The following LGSN variants were observed in gnomAD, a reference collection of about 807,000 sequenced individuals.
LGSN encodes the protein lengsin.
In LGSN, 21 loss-of-function variants were observed where a neutral mutation model predicts 19.5. The observed-to-expected ratio is 1.07, with a 90% CI of 0.76 to 1.55. The LOEUF (loss-of-function observed/expected upper bound fraction) is 1.55. LGSN is among the 40% of genes most tolerant of loss of function. The probability of loss-of-function intolerance (pLI) is 0.00; values close to 1 mark genes in which losing one functional copy is unlikely to be tolerated. For missense variants in LGSN, 673 were observed against 608.5 expected (o/e 1.11, Z -1.12); for synonymous variants, 257 against 215.6 (o/e 1.19, Z -1.68).
the LGSN span, among the ~76,000 whole-genome samples, chr6:63,432,584 C>T: frequency 2.6e-5 from 4 of 151,250 alleles, no homozygotes; most frequent in Non-Finnish European, 5.9e-5. Context: ...CCCAGCTACT[C>T]GGGAGGCTGA....
the LGSN span, among the ~76,000 whole-genome samples, chr6:63,573,012 C>T: frequency 1.3e-5 from 2 of 152,034 alleles, no homozygotes; most frequent in African/African-American, 2.4e-5. Flanking sequence ...CGCGGTCCGG[C>T]TTCTGCGGCG....
the LGSN span, among the ~76,000 whole-genome samples, chr6:63,349,307 G>C: frequency 6.6e-6 from 1 of 152,228 alleles, no homozygotes; most frequent in Non-Finnish European, 1.5e-5. Flanking sequence ...GCAGAGACTG[G>C]AGACTGGGGG....
chr6:63,460,767 T>C, the LGSN span, among the ~76,000 whole-genome samples: 2 of 152,202 alleles, frequency 1.3e-5, no homozygotes, highest in South Asian at 2.1e-4. Flanking sequence ...GGTGGAAAAC[T>C]GAACCTCCCA....
chr6:63,327,795 TTCTCTTTCTCTTTC>T, the LGSN span, among the ~76,000 whole-genome samples: 4 of 151,128 alleles, frequency 2.6e-5, no homozygotes, highest in Non-Finnish European at 2.9e-5. Flanking sequence ...CTCTGTCTCT[TTCTCTTTCTCTTTC>T]TCTCTTTCCT....
the LGSN span, among the ~76,000 whole-genome samples, chr6:63,397,834 G>T: frequency 3.3e-5 from 5 of 152,022 alleles, no homozygotes; most frequent in African/African-American, 1.2e-4. Flanking sequence ...CAGCTACTCG[G>T]GAAGCTGAGG....
intron 1 of LGSN, among the ~76,000 whole-genome samples, chr6:63,307,565 G>C (rs1275285153): frequency 6.6e-6 from 1 of 152,222 alleles, no homozygotes; most frequent in African/African-American, 2.4e-5. Context: ...CCATTAAGAG[G>C]CTCTTGTTAG....
At chr6:63,324,580 A>T (rs1014967048), upstream of LGSN, among the ~76,000 whole-genome samples, 4 of 152,166 alleles carry the variant, frequency 2.6e-5, no homozygotes, top group Non-Finnish European at 4.4e-5. Flanking sequence ...TCAGACTCCA[A>T]TTAAATAAAA....
chr6:63,295,156 CT>C, intron 1 of LGSN, 111 bp from the exon 2 acceptor site: 1 of 965,794 alleles, frequency 1.0e-6, no homozygotes, highest in Non-Finnish European at 1.6e-6. Context: ...GCATAGAAGA[CT>C]TTTATAATGA....
At chr6:63,549,653 C>T in the LGSN span, 1 of 477,512 alleles carries the variant, frequency 2.1e-6, no homozygotes, top group East Asian at 3.3e-5. Flanking sequence ...CTGTCATTGG[C>T]AGTAACACGG....
intron 1 of LGSN, among the ~76,000 whole-genome samples, chr6:63,309,171 G>A (rs1768526087): frequency 6.6e-6 from 1 of 152,290 alleles, no homozygotes; most frequent in Middle Eastern, 3.4e-3. Context: ...GGTGGCTCAC[G>A]TCTGTAATCC....
At chr6:63,404,465 A>G in the LGSN span, among the ~76,000 whole-genome samples, 380 of 152,290 alleles carry the variant, frequency 2.5e-3, 3 homozygotes, top group Middle Eastern at 0.017. Context: ...GTAATAAAAT[A>G]CTATCAAGTA....
At chr6:63,311,373 C>T (rs954886690) in intron 1 of LGSN, among the ~76,000 whole-genome samples, 3 of 152,148 alleles carry the variant, frequency 2.0e-5, no homozygotes, top group Non-Finnish European at 4.4e-5. Flanking sequence ...AATCGCCAGC[C>T]GTCTTCAATC....
At chr6:63,313,882 A>G (rs1242918287) in intron 1 of LGSN, among the ~76,000 whole-genome samples, 20 of 151,940 alleles carry the variant, frequency 1.3e-4, no homozygotes, top group African/African-American at 4.8e-4. Context: ...ATACATACAT[A>G]CATACATACA....
the LGSN span, among the ~76,000 whole-genome samples, chr6:63,373,153 C>T: frequency 6.6e-6 from 1 of 152,220 alleles, no homozygotes; most frequent in Non-Finnish European, 1.5e-5. Context: ...CTTGCAAACA[C>T]ATGTGACTCA....
chr6:63,530,025 G>T, the LGSN span, among the ~76,000 whole-genome samples: 2 of 152,090 alleles, frequency 1.3e-5, no homozygotes, highest in African/African-American at 2.4e-5. Flanking sequence ...TTGACAAAAA[G>T]AAAATTAGAA....
chr6:63,556,381 A>G, the LGSN span, among the ~76,000 whole-genome samples: 1 of 149,454 alleles, frequency 6.7e-6, no homozygotes, highest in East Asian at 2.0e-4. Context: ...AGGTCTCACT[A>G]TGTTGCCCAG....
the LGSN span, among the ~76,000 whole-genome samples, chr6:63,450,377 T>A: frequency 6.8e-6 from 1 of 146,864 alleles, no homozygotes; most frequent in Admixed American, 6.8e-5. Context: ...AAATAATAAA[T>A]AAATAAATAA....
the LGSN span, among the ~76,000 whole-genome samples, chr6:63,423,014 G>C: frequency 6.6e-6 from 1 of 152,174 alleles, no homozygotes; most frequent in Admixed American, 6.5e-5. Context: ...TAGCATGCTA[G>C]CATTAATCAA....
chr6:63,531,622 T>C, the LGSN span, among the ~76,000 whole-genome samples: 1 of 150,776 alleles, frequency 6.6e-6, no homozygotes, highest in South Asian at 2.1e-4. Flanking sequence ...CCTGAGTAGC[T>C]GGGACTATAG....
Sources: gnomAD v4.1 joint callset for allele counts (sites outside exome capture counted in the v4.1 genomes callset) on GRCh38, gnomAD v4.1.1 for gene constraint, MANE v1.5 for transcripts, NCBI Gene and HGNC (gene_info 2026-07-23, HGNC 2026-07-21) for gene names.